Variants in SYT11 observed in about 807,000 individuals in gnomAD.
The protein encoded by SYT11 is synaptotagmin-11.
SYT11 carries 12 observed loss-of-function variants against 30.4 expected under a neutral mutation model. The ratio of observed to expected loss-of-function variants is 0.39; its 90% CI spans 0.25 to 0.64. The LOEUF is 0.64. Among genes scored for constraint, SYT11 ranks in the 30% least tolerant of loss-of-function variants. The probability of loss-of-function intolerance (pLI) is 0.45; values close to 1 mark genes in which losing one functional copy is unlikely to be tolerated. For synonymous variants in SYT11, 204 were observed against 216.0 expected (o/e 0.94, Z 0.49); for missense variants, 412 against 552.0 (o/e 0.75, Z 2.54).
rs149781464 is a variant in SYT11, at chr1:155,860,459, G to T, written c.34+664G>T. Among the ~76,000 whole-genome samples, 1 of 152,304 alleles carries T rather than the reference G, an allele frequency of 6.6e-6. No homozygotes were observed. Among genetic ancestry groups the T allele is most frequent in the Non-Finnish European group, 1.5e-5 (1 of 68,024 alleles). ...CTACCAAATGGCGCTTGGCGCTGCT[G>T]GGCTGGGGGATGACGTGATGTCTAT... On this transcript the variant is annotated intron_variant, in intron 1 of 3. Coordinates refer to ENST00000368324, the MANE Select transcript of SYT11 (RefSeq NM_152280.5). The surrounding 1 kb of genome is among the most constrained non-coding windows in gnomAD (Gnocchi z 4.1).
In SYT11 at chr1:155,884,646, C is replaced by G. The variant is rs1673040538; in HGVS notation, c.*3138C>G. Reference sequence around the variant, plus strand: ...AGCTTTTGCACAAGGCATTCGTGGTCAGGAATAGGTTAGGGAATGGTCACT... The same window carrying G: ...AGCTTTTGCACAAGGCATTCGTGGTGAGGAATAGGTTAGGGAATGGTCACT... On this transcript the variant is annotated 3_prime_UTR_variant, in exon 4 of 4. Coordinates refer to ENST00000368324, the MANE Select transcript of SYT11 (RefSeq NM_152280.5). 1 of 152,750 alleles carries G rather than the reference C, an allele frequency of 6.5e-6. No individual in the cohort carries two copies. The highest frequency in any genetic ancestry group is 2.1e-4 in the South Asian group (1 of 4,828). The allele number at this position is 152,750 out of a possible 1,614,324, so 9.5% of individuals were successfully genotyped here.
chr1:155,873,964 C>T (rs1487056612), intron 2 of SYT11, among the ~76,000 whole-genome samples: 3 of 152,134 alleles, frequency 2.0e-5, no homozygotes, highest in African/African-American at 7.2e-5. Context: ...AGGAAAAAGC[C>T]CAGAAGTATA....
intron 2 of SYT11, among the ~76,000 whole-genome samples, chr1:155,880,185 CT>C (rs1672938201): frequency 6.6e-6 from 1 of 151,870 alleles, no homozygotes; most frequent in Non-Finnish European, 1.5e-5. Context: ...GAGTGAGAAC[CT>C]GTCTCAAAAA....
rs1672709503 is a variant in SYT11 at position 155,868,018 on chromosome 1, G to A, written c.88G>A (p.Val30Ile). The A allele has an allele frequency of 1.2e-6, 2 of 1,613,092 alleles. No individual in the cohort carries two copies. The highest frequency in any genetic ancestry group is 2.2e-5 in the East Asian group (1 of 44,862). The change falls in exon 2 of 4, where the codon GTC (valine) becomes ATC (isoleucine). Residue 30 changes from valine to isoleucine, a missense_variant. By Grantham distance (29) the Val-to-Ile change is conservative. Coordinates refer to ENST00000368324, the MANE Select transcript of SYT11 (RefSeq NM_152280.5). This position sits in a 1 kb window ranked among gnomAD's most constrained non-coding sequence, Gnocchi z 4.7. ...CGGGGCCTCTGTGCTGGTGGTGTGT[G>A]TCTCGGTGACCGTCTTTGTCTGGTC... ...LIGASVLVVC[V>I]SVTVFVWSCC... is the part of the protein sequence containing the mutation.
chr1:155,873,627 A>T (rs1672814941), intron 2 of SYT11, among the ~76,000 whole-genome samples: 1 of 152,148 alleles, frequency 6.6e-6, no homozygotes. Flanking sequence ...AAACAATGCA[A>T]AAGTCCTTTC....
chr1:155,872,196 G>T (rs1388193322), intron 2 of SYT11, among the ~76,000 whole-genome samples: 1 of 152,230 alleles, frequency 6.6e-6, no homozygotes, highest in African/African-American at 2.4e-5. Flanking sequence ...TGAGGTTGCA[G>T]TGAGCTATTA....
At chr1:155,859,881 C>A in intron 1 of SYT11, 86 bp downstream of exon 1, 2 of 1,314,340 alleles carry the variant, frequency 1.5e-6, no homozygotes, top group Non-Finnish European at 2.2e-6. Context: ...GAGAATGCAG[C>A]CCAGACCAGA....
intron 2 of SYT11, among the ~76,000 whole-genome samples, chr1:155,878,728 G>T (rs554276925): frequency 6.6e-6 from 1 of 151,814 alleles, no homozygotes; most frequent in African/African-American, 2.4e-5. Flanking sequence ...TTAGCCGGGC[G>T]TGGTGGCGGG....
In SYT11 at chr1:155,868,473, C is replaced by T; in HGVS notation, c.543C>T (p.Ala181=). Residue 181 remains alanine (A), a synonymous_variant, in exon 2 of 4, where the codon GCC becomes GCT. Coordinates refer to ENST00000368324, the MANE Select transcript of SYT11 (RefSeq NM_152280.5). The surrounding 1 kb of genome is among the most constrained non-coding windows in gnomAD (Gnocchi z 4.7). The part of the protein sequence containing the change: ...KKALVVTIQE[A]HGLPVMDDQT... Reference sequence around the variant, plus strand: ...CCCTGGTGGTGACAATCCAGGAGGCCCATGGGCTGCCAGTGATGGATGACC... The same window carrying T: ...CCCTGGTGGTGACAATCCAGGAGGCTCATGGGCTGCCAGTGATGGATGACC... The T allele has an allele frequency of 1.2e-6, 2 of 1,614,100 alleles. No individual in the cohort carries two copies. Among genetic ancestry groups the T allele is most frequent in the African/African-American group, 1.3e-5 (1 of 75,026 alleles).
chr1:155,873,934 A>G (rs1672818375), intron 2 of SYT11, among the ~76,000 whole-genome samples: 1 of 152,218 alleles, frequency 6.6e-6, no homozygotes, highest in Admixed American at 6.5e-5. Flanking sequence ...TTCACTGATT[A>G]CATTCTGATT....
chr1:155,871,755 G>A (rs1317069961), intron 2 of SYT11, among the ~76,000 whole-genome samples: 1 of 152,152 alleles, frequency 6.6e-6, no homozygotes, highest in East Asian at 1.9e-4. Context: ...CCCCACCCTA[G>A]AGCCTTCCAG....
intron 2 of SYT11, among the ~76,000 whole-genome samples, chr1:155,874,642 G>A (rs1672833138): frequency 6.6e-6 from 1 of 150,432 alleles, no homozygotes; most frequent in African/African-American, 2.4e-5. Context: ...TGTAATCCCA[G>A]CACTTTGGGA....
chr1:155,860,776 G>C lies in SYT11; in HGVS notation c.34+981G>C, dbSNP rs1419589185. Among the ~76,000 whole-genome samples the C allele has an allele frequency of 6.6e-6, 1 of 152,208 alleles. No individual in the cohort carries two copies. Among genetic ancestry groups the C allele is most frequent in the Non-Finnish European group, 1.5e-5 (1 of 68,036 alleles). ...GGAGTGGAAAATAGGGAAGAAGGTG[G>C]CAAAGACAAGCTTGAGAAGGAAGTT... On this transcript the variant is annotated intron_variant, in intron 1 of 3. Transcript: ENST00000368324. This position sits in a 1 kb window ranked among gnomAD's most constrained non-coding sequence, Gnocchi z 4.1.
rs745623175 is a variant in SYT11, at chr1:155,868,703, T to C, written c.773T>C (p.Ile258Thr). ...SFDRFSRDDV[I>T]GEVMVPLAGV... is the part of the protein sequence containing the mutation. Reference sequence around the variant, plus strand: ...GACCGCTTCTCTCGGGATGATGTCATTGGCGAGGTCATGGTGCCACTGGCA... The same window carrying C: ...GACCGCTTCTCTCGGGATGATGTCACTGGCGAGGTCATGGTGCCACTGGCA... The change falls in exon 2 of 4, where the codon ATT (isoleucine) becomes ACT (threonine). Residue 258 changes from isoleucine (I) to threonine (T), a missense_variant. By Grantham distance (89) the Ile-to-Thr change is moderately conservative (BLOSUM62 -1). Coordinates refer to ENST00000368324, the MANE Select transcript of SYT11 (RefSeq NM_152280.5). The surrounding 1 kb of genome is among the most constrained non-coding windows in gnomAD (Gnocchi z 4.7). 6.2e-7 allele frequency: 1 copy of C among 1,614,194 alleles called. No homozygotes were observed. The highest frequency in any genetic ancestry group is 8.5e-7 in the Non-Finnish European group (1 of 1,180,046).
At chr1:155,872,594 C>G (rs369409220) in intron 2 of SYT11, among the ~76,000 whole-genome samples, 1 of 152,208 alleles carries the variant, frequency 6.6e-6, no homozygotes, top group African/African-American at 2.4e-5. Flanking sequence ...CTTTCTCCCC[C>G]TTGTCCTTCT....
At chr1:155,866,917 T>C (rs1025300102) in intron 1 of SYT11, among the ~76,000 whole-genome samples, 3 of 151,692 alleles carry the variant, frequency 2.0e-5, no homozygotes, top group African/African-American at 4.8e-5. Flanking sequence ...TACATATATA[T>C]ACACACACAC....
intron 2 of SYT11, 114 bp from the exon 3 acceptor site, chr1:155,880,386 A>T (rs1672940644): frequency 1.5e-6 from 2 of 1,293,456 alleles, no homozygotes; most frequent in African/African-American, 1.5e-5. Flanking sequence ...TTTCCAAAAA[A>T]CTTATCATCC....
chr1:155,876,126 G>A (rs1428109941), intron 2 of SYT11, among the ~76,000 whole-genome samples: 1 of 151,508 alleles, frequency 6.6e-6, no homozygotes, highest in Non-Finnish European at 1.5e-5. Flanking sequence ...TGGAGTAGAT[G>A]ACATTTCTTT....
chr1:155,875,372 T>C (rs530843504), intron 2 of SYT11, among the ~76,000 whole-genome samples: 1 of 152,096 alleles, frequency 6.6e-6, no homozygotes, highest in South Asian at 2.1e-4. Flanking sequence ...TGTATTTCAA[T>C]TTCAAAAGCT....
Sources: allele counts gnomAD v4.1 joint callset (sites outside exome capture counted in the v4.1 genomes callset), GRCh38; gene constraint gnomAD v4.1.1; non-coding constraint Gnocchi (gnomAD v3.1); transcripts MANE v1.5; gene names NCBI Gene and HGNC (gene_info 2026-07-23, HGNC 2026-07-21).